IKZF2: variants seen among roughly 807,000 people sequenced by gnomAD.
IKZF2 encodes the protein zinc finger protein Helios.
IKZF2 carries 15 observed loss-of-function variants against 49.2 expected under a neutral mutation model. That is an observed-to-expected ratio of 0.30 (90% CI 0.20 to 0.47). The LOEUF (loss-of-function observed/expected upper bound fraction) is 0.47. IKZF2 is among the 20% of genes least tolerant of loss of function. The pLI is 1.00. For missense variants in IKZF2, 567 were observed against 664.6 expected (o/e 0.85, Z 1.61); for synonymous variants, 227 against 221.4 (o/e 1.03, Z -0.23).
chr2:213,104,481 C>A (rs928156676), intron 4 of IKZF2, among the ~76,000 whole-genome samples: 3 of 152,070 alleles, frequency 2.0e-5, no homozygotes, highest in African/African-American at 7.2e-5. Flanking sequence ...ACTACTTTCA[C>A]CTCAACCTTG....
intron 4 of IKZF2, among the ~76,000 whole-genome samples, chr2:213,073,470 G>A (rs1287776557): frequency 2.6e-5 from 4 of 152,044 alleles, no homozygotes; most frequent in African/African-American, 4.8e-5. Flanking sequence ...ATCCATTATT[G>A]ACATGATCTA....
intron 5 of IKZF2, among the ~76,000 whole-genome samples, chr2:213,051,780 CT>C (rs1700703598): frequency 6.6e-6 from 1 of 151,868 alleles, no homozygotes; most frequent in Admixed American, 6.6e-5. Flanking sequence ...ATACTTTTCA[CT>C]CCAAAAATTT....
chr2:213,065,038 A>G (rs1224948505), intron 4 of IKZF2, among the ~76,000 whole-genome samples: 1 of 151,916 alleles, frequency 6.6e-6, no homozygotes, highest in Non-Finnish European at 1.5e-5. Context: ...CATATGTCCT[A>G]TGAGTCTTTT....
At chr2:213,035,393 A>T (rs576422569) in intron 6 of IKZF2, among the ~76,000 whole-genome samples, 1 of 152,282 alleles carries the variant, frequency 6.6e-6, no homozygotes, top group East Asian at 1.9e-4. Flanking sequence ...CTTACATTCG[A>T]GTGAGGTGGG....
At chr2:213,069,033 G>C (rs1702426333) in intron 4 of IKZF2, among the ~76,000 whole-genome samples, 1 of 151,978 alleles carries the variant, frequency 6.6e-6, no homozygotes, top group South Asian at 2.1e-4. Context: ...ATGTTATGAA[G>C]ACTCTTCTGA....
intron 4 of IKZF2, among the ~76,000 whole-genome samples, chr2:213,118,395 G>A (rs961215273): frequency 3.3e-5 from 5 of 152,192 alleles, no homozygotes; most frequent in Non-Finnish European, 7.4e-5. Context: ...TAGCTAGGTG[G>A]AGGGCTCTGT....
At chr2:213,008,825 T>C (rs1274919359) in intron 8 of IKZF2, among the ~76,000 whole-genome samples, 1 of 152,078 alleles carries the variant, frequency 6.6e-6, no homozygotes, top group African/African-American at 2.4e-5. Context: ...ATATGGCACC[T>C]CACTGTTGTG....
chr2:213,075,627 G>A (rs185789106), intron 4 of IKZF2, among the ~76,000 whole-genome samples: 11 of 152,096 alleles, frequency 7.2e-5, no homozygotes, highest in Middle Eastern at 3.4e-3. Context: ...TCACACAGAA[G>A]TTTTCTTTTA....
rs1451106721 is a variant in IKZF2 at position 213,147,804 on chromosome 2, C to T, written c.43G>A (p.Glu15Lys). Residue 15 changes from glutamate (E) to lysine (K), a missense_variant, in exon 4 of 9, where the codon GAG (glutamate) becomes AAG (lysine). Coordinates refer to ENST00000434687, the MANE Select transcript of IKZF2 (RefSeq NM_001387220.1). ...GAGTGCTCCCTTTCGGGTGAAAGCT[C>T]ATTGTCACCTGCTTTCACAAAATAT... is the stretch of plus-strand genomic sequence containing the variant. ...AIDGYITCDN[E>K]LSPEREHSNM... 5 of 1,609,374 alleles carry T rather than the reference C, an allele frequency of 3.1e-6. No individual in the cohort carries two copies. Among genetic ancestry groups the T allele is most frequent in the Non-Finnish European group, 4.3e-6 (5 of 1,175,780 alleles).
intron 4 of IKZF2, among the ~76,000 whole-genome samples, chr2:213,140,978 G>A (rs561849139): frequency 5.5e-4 from 84 of 151,978 alleles, no homozygotes; most frequent in African/African-American, 1.9e-3. Context: ...GTGCCTAATT[G>A]CTATCCCTCT....
At chr2:213,051,333 G>A (rs1700655608) in intron 5 of IKZF2, among the ~76,000 whole-genome samples, 2 of 151,838 alleles carry the variant, frequency 1.3e-5, no homozygotes, top group South Asian at 4.2e-4. Flanking sequence ...AGTTAATGAG[G>A]TACATACCAA....
chr2:213,113,338 A>G (rs1439297566), intron 4 of IKZF2, among the ~76,000 whole-genome samples: 1 of 152,188 alleles, frequency 6.6e-6, no homozygotes, highest in African/African-American at 2.4e-5. Context: ...TAATCTTTAC[A>G]GTATTTAGGA....
intron 4 of IKZF2, among the ~76,000 whole-genome samples, chr2:213,137,620 A>G (rs2125928828): frequency 6.6e-6 from 1 of 152,238 alleles, no homozygotes; most frequent in East Asian, 1.9e-4. Flanking sequence ...TGTATTGAAA[A>G]TAAAGTCATC....
At chr2:213,083,355 T>C (rs1404889012) in intron 4 of IKZF2, among the ~76,000 whole-genome samples, 2 of 149,204 alleles carry the variant, frequency 1.3e-5, no homozygotes, top group Non-Finnish European at 3.0e-5. Flanking sequence ...AGATCAGCTA[T>C]GGCACTAGAT....
intron 6 of IKZF2, among the ~76,000 whole-genome samples, chr2:213,037,841 T>C (rs1312633127): frequency 6.6e-6 from 1 of 152,030 alleles, no homozygotes; most frequent in Non-Finnish European, 1.5e-5. Context: ...ACTTGGGAGA[T>C]CACCCAGAAA....
At chr2:213,076,453 C>T (rs7592621) in intron 4 of IKZF2, among the ~76,000 whole-genome samples, 61,548 of 151,624 alleles carry the variant, frequency 0.41, 13,149 homozygotes, top group African/African-American at 0.48. Context: ...TGGTGGTTTG[C>T]GATACAGTTA....
intron 7 of IKZF2, among the ~76,000 whole-genome samples, chr2:213,018,341 T>C (rs1219136492): frequency 6.6e-6 from 1 of 151,978 alleles, no homozygotes; most frequent in East Asian, 1.9e-4. Context: ...TAAAACTCAA[T>C]TATTATTTCC....
In IKZF2 at chr2:213,022,145, C is replaced by T; in HGVS notation, c.575-15G>A. The stretch of plus-strand genomic sequence containing the variant: ...AGGTTTACCCACTGTGAAGAGAACT[C>T]AAGGTCAGTGTGCTGTTAGTCTCAT... On this transcript the variant is annotated splice_polypyrimidine_tract_variant and intron_variant, in intron 6 of 8. Coordinates refer to ENST00000434687, the MANE Select transcript of IKZF2 (RefSeq NM_001387220.1). The T allele has an allele frequency of 6.3e-7, 1 of 1,591,662 alleles. No homozygotes were observed. The highest frequency in any genetic ancestry group is 8.6e-7 in the Non-Finnish European group (1 of 1,168,724).
At chr2:213,025,055 G>T (rs1037496278) in intron 6 of IKZF2, among the ~76,000 whole-genome samples, 1 of 151,954 alleles carries the variant, frequency 6.6e-6, no homozygotes, top group African/African-American at 2.4e-5. Context: ...TTTTTGAAAA[G>T]TCAGTGGTCT....
Sources: gnomAD v4.1 joint callset for allele counts (sites outside exome capture counted in the v4.1 genomes callset) on GRCh38, gnomAD v4.1.1 for gene constraint, MANE v1.5 for transcripts, NCBI Gene and HGNC (gene_info 2026-07-23, HGNC 2026-07-21) for gene names.